Variants in MYRIP observed in about 807,000 individuals in gnomAD.
The protein encoded by MYRIP is myosin VIIA and Rab interacting protein, also known as rab effector MyRIP.
In MYRIP, 49 loss-of-function variants were observed where a neutral mutation model predicts 98.0. The observed-to-expected ratio is 0.50, with a 90% confidence interval of 0.40 to 0.63. The LOEUF is 0.63. Ranked by LOEUF, MYRIP falls within the 30% of genes least tolerant of loss-of-function variation. The pLI is 0.00. For synonymous variants in MYRIP, 404 were observed against 409.5 expected, an observed-to-expected ratio of 0.99 and a Z score of 0.16; for missense variants, 1,004 against 1,058.2, an observed-to-expected ratio of 0.95 and a Z score of 0.71.
rs146959200 is a variant in MYRIP at position 40,067,373 on chromosome 3, G to T, written c.332+23102G>T. On this transcript the variant is annotated intron_variant, in intron 3 of 16. Transcript: ENST00000302541. ...TGGTTTTCAGGGGCTCAATCTAATTGTCTAGAGGGCATTCATAAATATCTT... is the reference window on the plus strand; with the variant it reads ...TGGTTTTCAGGGGCTCAATCTAATTTTCTAGAGGGCATTCATAAATATCTT... 2.0e-4 allele frequency among the ~76,000 whole-genome samples: 31 copies of T among 152,264 alleles called. 1 individual carries two copies. Among genetic ancestry groups the T allele is most frequent in the African/African-American group, 7.5e-4 (31 of 41,552 alleles).
At chr3:39,821,612 A>G (rs572590654) in intron 1 of MYRIP, among the ~76,000 whole-genome samples, 5 of 151,982 alleles carry the variant, frequency 3.3e-5, no homozygotes, top group Non-Finnish European at 7.4e-5. Flanking sequence ...TTCTCTAAGT[A>G]TTGCTTCAGC....
At chr3:39,834,411 A>G (rs990943656) in intron 1 of MYRIP, among the ~76,000 whole-genome samples, 7 of 152,228 alleles carry the variant, frequency 4.6e-5, no homozygotes, top group African/African-American at 9.6e-5. Context: ...AATTTAACAA[A>G]CAAAACACTT....
At chr3:39,823,106 G>A (rs1377623196) in intron 1 of MYRIP, among the ~76,000 whole-genome samples, 3 of 141,844 alleles carry the variant, frequency 2.1e-5, no homozygotes, top group African/African-American at 2.6e-5. Flanking sequence ...TGCAACCTCC[G>A]CCTCCTGGGT....
At chr3:39,913,027 A>C (rs1944062870) in intron 2 of MYRIP, among the ~76,000 whole-genome samples, 1 of 139,362 alleles carries the variant, frequency 7.2e-6, no homozygotes, top group African/African-American at 2.8e-5. Context: ...GTGACAGAGC[A>C]AGACTCCATC....
At chr3:40,081,214 T>G (rs1948472106) in intron 3 of MYRIP, among the ~76,000 whole-genome samples, 1 of 152,148 alleles carries the variant, frequency 6.6e-6, no homozygotes, top group African/African-American at 2.4e-5. Context: ...ATTCATGAAT[T>G]TTTGAGTACA....
chr3:39,963,794 C>T (rs1945378670), intron 2 of MYRIP, among the ~76,000 whole-genome samples: 1 of 152,060 alleles, frequency 6.6e-6, no homozygotes, highest in Non-Finnish European at 1.5e-5. Context: ...TGTGATTTCT[C>T]TCATTTGCTC....
intron 10 of MYRIP, among the ~76,000 whole-genome samples, chr3:40,208,327 C>T (rs182445243): frequency 1.9e-4 from 29 of 152,214 alleles, no homozygotes; most frequent in African/African-American, 6.7e-4. Flanking sequence ...AATATCAAAC[C>T]GTACAAATAC....
intron 16 of MYRIP, among the ~76,000 whole-genome samples, chr3:40,254,522 T>C (rs1298448992): frequency 6.6e-6 from 1 of 152,102 alleles, no homozygotes; most frequent in African/African-American, 2.4e-5. Context: ...AAAGATAAGC[T>C]ATCAATTTGC....
chr3:40,053,029 C>G (rs1405791539), intron 3 of MYRIP, among the ~76,000 whole-genome samples: 1 of 152,056 alleles, frequency 6.6e-6, no homozygotes, highest in Non-Finnish European at 1.5e-5. Flanking sequence ...TTCTTCTTAC[C>G]TCTATTTTCC....
At position 40,044,283 on chromosome 3, in the gene MYRIP, G is replaced by A. The variant is rs1559378251; in HGVS notation, c.332+12G>A. The A allele has an allele frequency of 6.2e-7, 1 of 1,613,078 alleles. No homozygotes were observed. Among genetic ancestry groups the A allele is most frequent in the African/African-American group, 1.3e-5 (1 of 75,038 alleles). ...TGCCAGCAAGCGAGGTGAGTGGCTG[G>A]TGCATTCCCAGGGTCTACACTGTTG... On this transcript the variant is annotated intron_variant, in intron 3 of 16. Transcript: ENST00000302541.
Position 40,250,462 on chromosome 3 carries a change from G to T in MYRIP, c.2391G>T (p.Arg797Ser). 1 of 1,614,206 alleles carries T rather than the reference G, an allele frequency of 6.2e-7. No homozygotes were observed. The highest frequency in any genetic ancestry group is 8.5e-7 in the Non-Finnish European group (1 of 1,180,028). Residue 797 changes from arginine (R) to serine (S), a missense_variant, in exon 15 of 17, where the codon AGG (arginine) becomes AGT (serine). By Grantham distance (110) the Arg-to-Ser change is moderately radical. Transcript: ENST00000302541. ...RTQVQTIDTSRQQRRKLPAPP... is the reference protein window; with the variant it reads ...RTQVQTIDTSSQQRRKLPAPP... ...AGGTACAAACCATAGATACATCAAG[G>T]CAGCAAAGGAGGAAACTGCCTGCTC...
In MYRIP at chr3:39,916,008, A is replaced by G. The variant is rs1944149794; in HGVS notation, c.110+15082A>G. Among the ~76,000 whole-genome samples the G allele has an allele frequency of 2.6e-5, 4 of 152,072 alleles. No individual in the cohort carries two copies. In the South Asian group the frequency reaches 8.3e-4, roughly 31 times the overall value. On this transcript the variant is annotated intron_variant, in intron 2 of 16. Coordinates refer to ENST00000302541, the MANE Select transcript of MYRIP (RefSeq NM_015460.4). ...AAGACTATGCTAATAGCCAGAAAAAAGACACTTGCTAGTTATGTGGCCCCA... is the reference window on the plus strand; with the variant it reads ...AAGACTATGCTAATAGCCAGAAAAAGGACACTTGCTAGTTATGTGGCCCCA...
chr3:40,015,181 C>T (rs1323677630), intron 2 of MYRIP, among the ~76,000 whole-genome samples: 1 of 152,194 alleles, frequency 6.6e-6, no homozygotes, highest in Non-Finnish European at 1.5e-5. Context: ...CCTCATAGAA[C>T]AGTGCTGTGA....
intron 1 of MYRIP, among the ~76,000 whole-genome samples, chr3:39,898,045 G>A (rs1296048538): frequency 6.6e-6 from 1 of 152,048 alleles, no homozygotes; most frequent in Non-Finnish European, 1.5e-5. Context: ...TTTTCAGTGG[G>A]CCCTCTAGTC....
At chr3:39,913,717 G>A (rs901412043) in intron 2 of MYRIP, among the ~76,000 whole-genome samples, 1 of 152,204 alleles carries the variant, frequency 6.6e-6, no homozygotes. Flanking sequence ...CCTTAGGGCA[G>A]TCTAACACAA....
intron 10 of MYRIP, among the ~76,000 whole-genome samples, chr3:40,204,505 G>A (rs1951743187): frequency 6.6e-6 from 1 of 151,804 alleles, no homozygotes; most frequent in African/African-American, 2.4e-5. Flanking sequence ...AAGTGTGCAA[G>A]GAAGAGGCAA....
intron 1 of MYRIP, among the ~76,000 whole-genome samples, chr3:39,871,743 T>C (rs988539939): frequency 2.0e-5 from 3 of 152,116 alleles, no homozygotes; most frequent in Admixed American, 2.0e-4. Context: ...AGTTGTCTAA[T>C]GGAGATAGTG....
chr3:40,087,593 G>A (rs1289112478), intron 3 of MYRIP, among the ~76,000 whole-genome samples: 1 of 152,176 alleles, frequency 6.6e-6, no homozygotes, highest in Admixed American at 6.5e-5. Context: ...GGTAGCCAAT[G>A]TTTAACTAGT....
intron 1 of MYRIP, among the ~76,000 whole-genome samples, chr3:39,865,390 A>C (rs534453605): frequency 6.6e-6 from 1 of 152,244 alleles, no homozygotes; most frequent in East Asian, 1.9e-4. Flanking sequence ...TAAACAGACA[A>C]CCCACAGAAT....
Sources: gnomAD v4.1 joint callset for allele counts (sites outside exome capture counted in the v4.1 genomes callset) on GRCh38, gnomAD v4.1.1 for gene constraint, MANE v1.5 for transcripts, NCBI Gene and HGNC (gene_info 2026-07-23, HGNC 2026-07-21) for gene names.